ANKIB1: variants seen among roughly 807,000 people sequenced by gnomAD.
The protein encoded by ANKIB1 is ankyrin repeat and IBR domain containing 1.
Under a neutral mutation model 122.1 loss-of-function variants are expected in ANKIB1, and 43 were observed. That is an observed-to-expected ratio of 0.35 (90% confidence interval 0.28 to 0.45). The LOEUF (loss-of-function observed/expected upper bound fraction) is 0.45, where lower values mean the gene tolerates loss of function less well. Among genes scored for constraint, ANKIB1 ranks in the 20% least tolerant of loss-of-function variants. The pLI, the probability that ANKIB1 is intolerant of heterozygous loss-of-function variation, is 1.00. For synonymous variants in ANKIB1, 390 were observed against 442.0 expected, an observed-to-expected ratio of 0.88 and a Z score of 1.48; for missense variants, 992 against 1,329.5, an observed-to-expected ratio of 0.75 and a Z score of 3.95.
chr7:92,389,334 G>GTTTT (rs1276859250), intron 14 of ANKIB1, among the ~76,000 whole-genome samples: 2 of 150,662 alleles, frequency 1.3e-5, no homozygotes, highest in Non-Finnish European at 3.0e-5. Flanking sequence ...TTTTTTTCTG[G>GTTTT]TTTTGTTTTT....
At chr7:92,275,497 T>C (rs1211283614) in intron 1 of ANKIB1, among the ~76,000 whole-genome samples, 2 of 152,116 alleles carry the variant, frequency 1.3e-5, no homozygotes, top group East Asian at 1.9e-4. Flanking sequence ...ACTGCAGATA[T>C]TTAATTGGCA....
chr7:92,384,802 A>G (rs540186407), intron 11 of ANKIB1, among the ~76,000 whole-genome samples: 29 of 152,340 alleles, frequency 1.9e-4, no homozygotes, highest in Non-Finnish European at 3.4e-4. Flanking sequence ...AAGCTAGGCA[A>G]TACCATTCAG....
chr7:92,281,171 T>C (rs1802005638), intron 1 of ANKIB1, among the ~76,000 whole-genome samples: 1 of 152,212 alleles, frequency 6.6e-6, no homozygotes, highest in Admixed American at 6.5e-5. Context: ...AGTGTTGAAT[T>C]ATGACAATGT....
At chr7:92,248,676 A>G (rs918784950) in intron 1 of ANKIB1, among the ~76,000 whole-genome samples, 16 of 152,134 alleles carry the variant, frequency 1.1e-4, no homozygotes, top group Non-Finnish European at 1.9e-4. Flanking sequence ...ACATTTGCCA[A>G]AAAGGATTTG....
rs774681032 is a variant in ANKIB1, at chr7:92,391,208, A to G, written c.2095A>G (p.Asn699Asp). The G allele has an allele frequency of 5.6e-6, 9 of 1,613,136 alleles. No homozygotes were observed. Among genetic ancestry groups the G allele is most frequent in the Non-Finnish European group, 7.6e-6 (9 of 1,179,466 alleles). Residue 699 changes from asparagine to aspartate, a missense_variant, in exon 16 of 20, where the codon AAT becomes GAT. Coordinates refer to ENST00000265742, the MANE Select transcript of ANKIB1 (RefSeq NM_019004.2). The part of the protein sequence containing the change: ...MVTEDLAQKV[N>D]RPYLRTPRHK... ...CACTGAAGACCTTGCCCAGAAAGTC[A>G]ATAGGCCTTACCTTCGCACACCCCG...
At chr7:92,310,871 A>G (rs1380645877) in intron 3 of ANKIB1, among the ~76,000 whole-genome samples, 1 of 152,190 alleles carries the variant, frequency 6.6e-6, no homozygotes, top group Non-Finnish European at 1.5e-5. Context: ...TGTGGAATCT[A>G]AGGATGTGGA....
chr7:92,340,678 G>T (rs1156240430), intron 5 of ANKIB1, among the ~76,000 whole-genome samples: 1 of 152,144 alleles, frequency 6.6e-6, no homozygotes, highest in African/African-American at 2.4e-5. Context: ...AATTTTTGTT[G>T]TAAGTATACC....
rs1168632850 is a variant in ANKIB1, at chr7:92,390,020, G to A, written c.1956G>A (p.Val652=). 4.4e-6 allele frequency: 7 copies of A among 1,606,552 alleles called. No homozygotes were observed. Among genetic ancestry groups the A allele is most frequent in the East Asian group, 2.3e-5 (1 of 44,368 alleles). The change falls in exon 15 of 20, where the codon GTG becomes GTA. Residue 652 remains valine (V), a synonymous_variant. Coordinates refer to ENST00000265742, the MANE Select transcript of ANKIB1 (RefSeq NM_019004.2). ...DTTFIEDAVH[V]LLKTRRILKC... The stretch of plus-strand genomic sequence containing the variant: ...CTTTCATTGAAGATGCAGTTCATGT[G>A]CTCTTAAAAACTCGGCGCATTCTCA...
At chr7:92,370,343 CT>C (rs1328630984) in intron 10 of ANKIB1, among the ~76,000 whole-genome samples, 2 of 151,344 alleles carry the variant, frequency 1.3e-5, no homozygotes, top group Non-Finnish European at 2.9e-5. Context: ...CCCATGTCTA[CT>C]AAAAATACAA....
At chr7:92,256,142 C>T (rs1030421747) in intron 1 of ANKIB1, among the ~76,000 whole-genome samples, 10 of 152,054 alleles carry the variant, frequency 6.6e-5, no homozygotes, top group Non-Finnish European at 1.0e-4. Context: ...TAGGAGTTAC[C>T]GTTTTCAGGA....
Position 92,390,589 on chromosome 7 carries a change from TTTC to T in ANKIB1, c.2052+476_2052+478del, listed in dbSNP as rs1293593968. 7.2e-5 allele frequency among the ~76,000 whole-genome samples: 11 copies of T among 152,334 alleles called. No homozygotes were observed. In the South Asian group the frequency reaches 2.3e-3, roughly 32 times the overall value. ...TATAGCCAAATAACTTCATTGTGCA[TTTC>T]TTTTCTTTTGAAGCCACTAAACTTT... On this transcript the variant is annotated intron_variant, in intron 15 of 19. Coordinates refer to ENST00000265742, the MANE Select transcript of ANKIB1 (RefSeq NM_019004.2).
At chr7:92,365,615 G>A (rs1562793831) in intron 10 of ANKIB1, among the ~76,000 whole-genome samples, 1 of 151,914 alleles carries the variant, frequency 6.6e-6, no homozygotes, top group Non-Finnish European at 1.5e-5. Context: ...TACTTACAAA[G>A]ATCACTCAGG....
chr7:92,357,889 G>A (rs1406824082), intron 9 of ANKIB1, among the ~76,000 whole-genome samples: 1 of 152,002 alleles, frequency 6.6e-6, no homozygotes, highest in Non-Finnish European at 1.5e-5. Context: ...ACTATACTTT[G>A]GAGAATTCTG....
intron 1 of ANKIB1, among the ~76,000 whole-genome samples, chr7:92,261,885 T>G (rs1304131959): frequency 6.6e-6 from 1 of 152,198 alleles, no homozygotes; most frequent in Non-Finnish European, 1.5e-5. Flanking sequence ...CTTTTCTATT[T>G]GAAAGAGTCA....
intron 10 of ANKIB1, 76 bp from the exon 11 acceptor site, chr7:92,371,401 T>C: frequency 7.8e-7 from 1 of 1,288,078 alleles, no homozygotes; most frequent in South Asian, 1.4e-5. Context: ...CAAAGAAAAG[T>C]GTGGAGGGTT....
intron 5 of ANKIB1, among the ~76,000 whole-genome samples, chr7:92,340,042 TAAAG>T (rs1323280177): frequency 6.6e-6 from 1 of 152,168 alleles, no homozygotes; most frequent in Admixed American, 6.5e-5. Flanking sequence ...CCCTTGGCCT[TAAAG>T]AACATTAATT....
chr7:92,338,021 G>A (rs1803326846), intron 5 of ANKIB1, among the ~76,000 whole-genome samples: 1 of 152,076 alleles, frequency 6.6e-6, no homozygotes, highest in Non-Finnish European at 1.5e-5. Flanking sequence ...AAATAACAAT[G>A]AGAAATGGAT....
intron 5 of ANKIB1, among the ~76,000 whole-genome samples, chr7:92,341,415 T>C (rs1044102096): frequency 4.6e-5 from 7 of 152,022 alleles, no homozygotes; most frequent in African/African-American, 1.7e-4. Context: ...TTCCAGGGAA[T>C]TTATACCAAG....
At chr7:92,291,855 G>A (rs1802258126) in intron 1 of ANKIB1, among the ~76,000 whole-genome samples, 1 of 152,102 alleles carries the variant, frequency 6.6e-6, no homozygotes, top group Non-Finnish European at 1.5e-5. Context: ...GATTACAGGC[G>A]TGAGCTACCA....
Sources: allele counts gnomAD v4.1 joint callset (sites outside exome capture counted in the v4.1 genomes callset), GRCh38; gene constraint gnomAD v4.1.1; transcripts MANE v1.5; gene names NCBI Gene and HGNC (gene_info 2026-07-23, HGNC 2026-07-21).